Variants in VAMP2 observed in about 807,000 individuals in gnomAD.
The protein encoded by VAMP2 is vesicle associated membrane protein 2.
For missense variants in VAMP2, 95 were observed against 151.3 expected, an observed-to-expected ratio of 0.63 and a Z score of 1.95; for synonymous variants, 67 against 57.3, an observed-to-expected ratio of 1.17 and a Z score of -0.76.
chr17:8,162,478 G>C, intron 1 of VAMP2, 109 bp from the exon 2 acceptor site: 2 of 1,551,746 alleles, frequency 1.3e-6, no homozygotes, highest in Non-Finnish European at 1.7e-6. Flanking sequence ...CTCCTTTTCG[G>C]GAGGAAGGCC....
At chr17:8,160,922 G>C in intron 4 of VAMP2, 51 bp from the exon 5 acceptor site, 2 of 1,508,402 alleles carry the variant, frequency 1.3e-6, no homozygotes, top group South Asian at 2.3e-5. Context: ...GAGAGAAAGA[G>C]AGAGAACAAG....
At chr17:8,162,453 C>T in intron 1 of VAMP2, 84 bp from the exon 2 acceptor site, 1 of 1,568,202 alleles carries the variant, frequency 6.4e-7, no homozygotes, top group Non-Finnish European at 8.6e-7. Context: ...CCTGTCCATC[C>T]TCGTCCCTCC....
At position 8,159,555 on chromosome 17, in the gene VAMP2, A is replaced by C. The variant is rs1983228768; in HGVS notation, c.*1300T>G. 1.3e-5 allele frequency: 2 copies of C among 152,628 alleles called. No individual in the cohort carries two copies. The highest frequency in any genetic ancestry group is 1.3e-4 in the Admixed American group (2 of 15,276). The allele number at this position is 152,628 out of a possible 1,614,324, so 9.5% of individuals were successfully genotyped here. ...GTTTTCCAGCAAGTCCCATACACAC[A>C]TTGGCAGTGACTAGTACCCCCACCC... On this transcript the variant is annotated 3_prime_UTR_variant, in exon 5 of 5. Coordinates refer to ENST00000316509, the MANE Select transcript of VAMP2 (RefSeq NM_014232.3).
rs1555524517 is a variant in VAMP2, at chr17:8,160,769, G to GGA, written c.*85_*86insTC. Reference sequence around the variant, plus strand: ...ACACACACGGATCCAGGGGAGTGGGGGCTGAAAGATATGGCTGAGAGGTGG... The same window carrying GGA: ...ACACACACGGATCCAGGGGAGTGGGGGAGCTGAAAGATATGGCTGAGAGGTGG... On this transcript the variant is annotated 3_prime_UTR_variant, in exon 5 of 5. Coordinates refer to ENST00000316509, the MANE Select transcript of VAMP2 (RefSeq NM_014232.3). The GGA allele has an allele frequency of 7.4e-5, 111 of 1,498,660 alleles. 1 individual carries two copies. The highest frequency in any genetic ancestry group is 8.6e-5 in the Non-Finnish European group (95 of 1,098,320). The allele number at this position is 1,498,660 out of a possible 1,614,324, so 92.8% of individuals were successfully genotyped here.
chr17:8,161,519 C>A lies in VAMP2; in HGVS notation c.288G>T (p.Met96Ile). Reference sequence around the variant, plus strand: ...TGGCGCAAATCACTCCCAAGATGATCATCATCTGGGGGTGAGAGGCGAGGA... The same window carrying A: ...TGGCGCAAATCACTCCCAAGATGATAATCATCTGGGGGTGAGAGGCGAGGA... ...RKYWWKNLKMMIILGVICAII... is the reference protein window; with the variant it reads ...RKYWWKNLKMIIILGVICAII... The change falls in exon 4 of 5, where the codon ATG (methionine) becomes ATT (isoleucine). Residue 96 changes from methionine to isoleucine, a missense_variant. Met to Ile is a conservative substitution (Grantham distance 10). Transcript: ENST00000316509. 1 of 1,614,144 alleles carries A rather than the reference C, an allele frequency of 6.2e-7. No homozygotes were observed. Among genetic ancestry groups the A allele is most frequent in the Non-Finnish European group, 8.5e-7 (1 of 1,180,004 alleles).
Position 8,161,400 on chromosome 17 carries a change from G to A in VAMP2, c.334+73C>T, listed in dbSNP as rs553397393. ...GCTGAAGAGTAAAAACTAGATTAAT[G>A]ACCTTCAAAACCTAGAATCCACTGG... On this transcript the variant is annotated intron_variant, in intron 4 of 4. Transcript: ENST00000316509. 1,097 of 1,573,240 alleles carry A rather than the reference G, an allele frequency of 7.0e-4. 13 individuals carry two copies. In the South Asian group the frequency reaches 0.011, roughly 16 times the overall value.
rs193243685 is a variant in VAMP2, at chr17:8,161,454, C to T, written c.334+19G>A. 3.7e-6 allele frequency: 6 copies of T among 1,613,902 alleles called. No individual in the cohort carries two copies. The East Asian group carries it at 1.3e-4, about 36-fold the overall frequency. On this transcript the variant is annotated intron_variant, in intron 4 of 4. Coordinates refer to ENST00000316509, the MANE Select transcript of VAMP2 (RefSeq NM_014232.3). ...AACCTCTCCAGGGAAAGGGCCCCGG[C>T]CATTCTCACCCTACTCACCTATGAT...
chr17:8,162,703 A>T (rs986712658), intron 1 of VAMP2, 175 bp downstream of exon 1: 3 of 1,315,462 alleles, frequency 2.3e-6, no homozygotes, highest in Non-Finnish European at 2.9e-6. Flanking sequence ...CCATCGCCCG[A>T]GCCGGCCAGC....
At chr17:8,162,179 C>T (rs1334324479) in intron 2 of VAMP2, 70 bp downstream of exon 2, 1 of 1,489,068 alleles carries the variant, frequency 6.7e-7, no homozygotes, top group African/African-American at 1.4e-5. Context: ...CCCAAACCAA[C>T]ATGGGCCCCT....
At chr17:8,162,398 G>A (rs1393860618) in intron 1 of VAMP2, 29 bp from the exon 2 acceptor site, 2 of 1,610,448 alleles carry the variant, frequency 1.2e-6, no homozygotes, top group South Asian at 2.2e-5. Context: ...TTAAGACCCA[G>A]GGCCTGCAGC....
At chr17:8,162,677 C>T in intron 1 of VAMP2, 2 of 1,344,934 alleles carry the variant, frequency 1.5e-6, no homozygotes, top group Non-Finnish European at 1.9e-6. Flanking sequence ...GACACTGGGT[C>T]CGCTCCTTCC....
In VAMP2 at chr17:8,161,771, G is replaced by A. The variant is rs770801834; in HGVS notation, c.124-5C>T. ...CACCCTCATGATGTCCACCACCTGG[G>A]AGAAGGGCCCACGAGGCAGGGGGGT... On this transcript the variant is annotated splice_region_variant and splice_polypyrimidine_tract_variant and intron_variant, in intron 2 of 4. Transcript: ENST00000316509. 1 of 1,611,720 alleles carries A rather than the reference G, an allele frequency of 6.2e-7. No homozygotes were observed. The highest frequency in any genetic ancestry group is 1.1e-5 in the South Asian group (1 of 91,042).
chr17:8,162,407 G>C (rs751304290), intron 1 of VAMP2, 38 bp from the exon 2 acceptor site: 17 of 1,606,640 alleles, frequency 1.1e-5, no homozygotes, highest in Non-Finnish European at 1.2e-5. Flanking sequence ...AGGGCCTGCA[G>C]CCTCCCGGCC....
chr17:8,162,703 A>G, intron 1 of VAMP2, 175 bp downstream of exon 1: 1 of 1,315,462 alleles, frequency 7.6e-7, no homozygotes, highest in Non-Finnish European at 9.6e-7. Flanking sequence ...CCATCGCCCG[A>G]GCCGGCCAGC....
Position 8,162,289 on chromosome 17 carries a change from C to T in VAMP2, c.83G>A (p.Ser28Asn). 1 of 1,579,936 alleles carries T rather than the reference C, an allele frequency of 6.3e-7. No individual in the cohort carries two copies. Among genetic ancestry groups the T allele is most frequent in the Non-Finnish European group, 8.6e-7 (1 of 1,167,702 alleles). Residue 28 changes from serine (S) to asparagine (N), a missense_variant, in exon 2 of 5, where the codon AGT becomes AAT. Ser to Asn is a conservative substitution (Grantham distance 46). Transcript: ENST00000316509. ...CTGGGTCTGCTGCAGTCTCCTGTTA[C>T]TGGTGAGGTTTGGAGGGGGTGCAGG... is the stretch of plus-strand genomic sequence containing the variant. ...GPPAPPPNLT[S>N]NRRLQQTQAQ...
chr17:8,161,335 G>T, intron 4 of VAMP2, 138 bp downstream of exon 4: 1 of 1,280,388 alleles, frequency 7.8e-7, no homozygotes. Flanking sequence ...TTTGGCTCTA[G>T]ATGAATCAGA....
chr17:8,162,101 T>A, intron 2 of VAMP2, 148 bp downstream of exon 2: 1 of 1,343,666 alleles, frequency 7.4e-7, no homozygotes, highest in Non-Finnish European at 1.0e-6. Context: ...AAGTGCGTGC[T>A]GACAGGGAGA....
intron 1 of VAMP2, 72 bp from the exon 2 acceptor site, chr17:8,162,441 C>A (rs1376496391): frequency 1.0e-5 from 16 of 1,581,590 alleles, no homozygotes; most frequent in Admixed American, 1.8e-5. Flanking sequence ...TCCGCCCATC[C>A]ACCTGTCCAT....
intron 2 of VAMP2, 78 bp from the exon 3 acceptor site, chr17:8,161,844 C>T (rs1007062512): frequency 9.6e-6 from 15 of 1,559,112 alleles, no homozygotes; most frequent in African/African-American, 5.4e-5. Context: ...ATGTGCCCAC[C>T]GTGCCACACA....
Sources: gnomAD v4.1 joint callset for allele counts on GRCh38, gnomAD v4.1.1 for gene constraint, MANE v1.5 for transcripts, NCBI Gene and HGNC (gene_info 2026-07-23, HGNC 2026-07-21) for gene names.